Variants in GLP1R observed in about 807,000 individuals in gnomAD.
GLP1R encodes glucagon-like peptide 1 receptor.
GLP1R carries 32 observed loss-of-function variants against 68.4 expected under a neutral mutation model. The observed-to-expected ratio is 0.47, with a 90% CI of 0.35 to 0.63. The LOEUF (loss-of-function observed/expected upper bound fraction) is 0.63. GLP1R is among the 20% of genes least tolerant of loss of function. The pLI, the probability that GLP1R is intolerant of heterozygous loss-of-function variation, is 0.00. For synonymous variants in GLP1R, 263 were observed against 244.4 expected (o/e 1.08, Z -0.71); for missense variants, 502 against 594.9 (o/e 0.84, Z 1.62).
chr6:39,049,000 C>T, intron 1 of GLP1R, 82 bp downstream of exon 1: 1 of 572,976 alleles, frequency 1.7e-6, no homozygotes, highest in Non-Finnish European at 2.8e-6. Context: ...TGGAGGGCCC[C>T]GGGACTTGAA....
intron 5 of GLP1R, among the ~76,000 whole-genome samples, chr6:39,070,889 T>A (rs982944841): frequency 1.3e-5 from 2 of 152,238 alleles, no homozygotes; most frequent in Non-Finnish European, 2.9e-5. Context: ...TATGGTTTTT[T>A]ATGCACAGAA....
intron 7 of GLP1R, among the ~76,000 whole-genome samples, chr6:39,077,600 G>A (rs1768864723): frequency 1.3e-5 from 2 of 152,218 alleles, no homozygotes; most frequent in Non-Finnish European, 2.9e-5. Flanking sequence ...AGAGGTTCCT[G>A]GGTCACATGA....
chr6:39,085,283 C>T (rs1050012175), intron 12 of GLP1R, among the ~76,000 whole-genome samples: 4 of 152,254 alleles, frequency 2.6e-5, no homozygotes, highest in African/African-American at 9.6e-5. Flanking sequence ...CTGAGCTCCC[C>T]TGGGCTGCAC....
chr6:39,089,277 G>T lies in GLP1R; in HGVS notation c.*3204G>T, dbSNP rs1769220111. 6.6e-6 allele frequency among the ~76,000 whole-genome samples: 1 copy of T among 152,152 alleles called. No homozygotes were observed. The highest frequency in any genetic ancestry group is 1.5e-5 in the Non-Finnish European group (1 of 68,034). On this transcript the variant is annotated 3_prime_UTR_variant, in exon 13 of 13. Transcript: ENST00000373256. The surrounding 1 kb of genome is among the most constrained non-coding windows in gnomAD (Gnocchi z 4.1). ...AATTCCAGCACTCTTTTAATGGATT[G>T]GCTTAATTTTTTTTTCTGATGCCTC...
chr6:39,071,345 C>CAAAAAAAA (rs35740935), intron 5 of GLP1R, among the ~76,000 whole-genome samples: 15 of 85,870 alleles, frequency 1.7e-4, no homozygotes, highest in Non-Finnish European at 2.9e-4. Context: ...GATTCCATCT[C>CAAAAAAAA]AAAAAAAAAA....
chr6:39,083,705 T>G (rs1242487180), intron 12 of GLP1R, among the ~76,000 whole-genome samples: 1 of 152,128 alleles, frequency 6.6e-6, no homozygotes, highest in Non-Finnish European at 1.5e-5. Flanking sequence ...CCCCGAATCC[T>G]GAGGCTGGCA....
In GLP1R at chr6:39,072,899, C is replaced by T. The variant is rs759578461; in HGVS notation, c.547C>T (p.Leu183=). ...CACCAGGAACTACATCCACCTGAAC[C>T]TGTTTGCATCCTTCATCCTGCGAGC... ...HCTRNYIHLN[L]FASFILRALS... is the part of the protein sequence containing the mutation. Residue 183 remains leucine, a synonymous_variant, in exon 6 of 13, where the codon CTG becomes TTG. Transcript: ENST00000373256. 4 of 1,614,158 alleles carry T rather than the reference C, an allele frequency of 2.5e-6. No homozygotes were observed. Among genetic ancestry groups the T allele is most frequent in the South Asian group, 2.2e-5 (2 of 91,086 alleles).
chr6:39,088,516 G>A lies in GLP1R; in HGVS notation c.*2443G>A, dbSNP rs1273036537. Among the ~76,000 whole-genome samples, 1 of 152,230 alleles carries A rather than the reference G, an allele frequency of 6.6e-6. No individual in the cohort carries two copies. The highest frequency in any genetic ancestry group is 6.5e-5 in the Admixed American group (1 of 15,286). On this transcript the variant is annotated 3_prime_UTR_variant, in exon 13 of 13. Transcript: ENST00000373256. ...GGGTACTATTGCTGACCAGCAGGGT[G>A]TAGGCGCTGCTTTTGTTTGAGCTTT...
intron 3 of GLP1R, among the ~76,000 whole-genome samples, chr6:39,060,840 G>A (rs1768340857): frequency 6.6e-6 from 1 of 152,212 alleles, no homozygotes; most frequent in Admixed American, 6.5e-5. Flanking sequence ...ATGCCACTGA[G>A]ACCTTAGAGG....
intron 1 of GLP1R, among the ~76,000 whole-genome samples, chr6:39,050,482 G>C (rs1253668344): frequency 6.6e-6 from 1 of 152,130 alleles, no homozygotes; most frequent in Non-Finnish European, 1.5e-5. Context: ...ACTTTCCTCT[G>C]ATCCGATTTT....
rs778762355 is a variant in GLP1R, at chr6:39,056,392, C to T, written c.79-5C>T. 6.4e-6 allele frequency: 10 copies of T among 1,550,840 alleles called. No individual in the cohort carries two copies. Among genetic ancestry groups the T allele is most frequent in the Non-Finnish European group, 8.9e-6 (10 of 1,123,196 alleles). On this transcript the variant is annotated splice_region_variant and splice_polypyrimidine_tract_variant and intron_variant, in intron 1 of 12. Transcript: ENST00000373256. Reference sequence around the variant, plus strand: ...ACAGGCCTCCCATATATGCCCTCCCCCCAGGGTGCCACTGTGTCCCTCTGG... The same window carrying T: ...ACAGGCCTCCCATATATGCCCTCCCTCCAGGGTGCCACTGTGTCCCTCTGG...
rs2235868 is a variant in GLP1R at position 39,072,878 on chromosome 6, A to T, written c.526A>T (p.Arg176Trp). 41 of 1,613,722 alleles carry T rather than the reference A, an allele frequency of 2.5e-5. No individual in the cohort carries two copies. In the Admixed American group the frequency reaches 2.8e-4, roughly 11 times the overall value. ...LLGFRHLHCT[R>W]NYIHLNLFAS... ...CTCCCTCAGACACCTGCACTGCACC[A>T]GGAACTACATCCACCTGAACCTGTT... The change falls in exon 6 of 13, where the codon AGG becomes TGG. Residue 176 changes from arginine to tryptophan, a missense_variant. Transcript: ENST00000373256.
intron 11 of GLP1R, 60 bp from the exon 12 acceptor site, chr6:39,080,638 G>A (rs544778080): frequency 1.7e-6 from 2 of 1,204,130 alleles, no homozygotes; most frequent in African/African-American, 3.1e-5. Context: ...TCCGACCAGG[G>A]CCAGTCTGCA....
At position 39,079,525 on chromosome 6, in the gene GLP1R, A is replaced by C. The variant is rs1768933598; in HGVS notation, c.1044-39A>C. The C allele has an allele frequency of 6.5e-7, 1 of 1,541,294 alleles. No individual in the cohort carries two copies. Among genetic ancestry groups the C allele is most frequent in the African/African-American group, 1.4e-5 (1 of 71,944 alleles). On this transcript the variant is annotated intron_variant, in intron 10 of 12. Transcript: ENST00000373256. This position sits in a 1 kb window ranked among gnomAD's most constrained non-coding sequence, Gnocchi z 4.5. Reference sequence around the variant, plus strand: ...GAAAGGGAAGAAGAGTCCATGGGAGAGGTCCAGAATGACTCGAGATCTCTG... The same window carrying C: ...GAAAGGGAAGAAGAGTCCATGGGAGCGGTCCAGAATGACTCGAGATCTCTG...
Position 39,049,417 on chromosome 6 carries a change from G to A in GLP1R, c.78+499G>A, listed in dbSNP as rs988030908. Among the ~76,000 whole-genome samples the A allele has an allele frequency of 2.0e-5, 3 of 152,062 alleles. No homozygotes were observed. The highest frequency in any genetic ancestry group is 4.8e-5 in the African/African-American group (2 of 41,406). ...GGAGGAGCTGAGAGGGCCAGGGTGC[G>A]GAGACCCGGCTCCTCTCCCTTTCTC... On this transcript the variant is annotated intron_variant, in intron 1 of 12. Transcript: ENST00000373256. The surrounding 1 kb of genome is among the most constrained non-coding windows in gnomAD (Gnocchi z 4.5).
At chr6:39,054,040 A>G (rs1031680278) in intron 1 of GLP1R, among the ~76,000 whole-genome samples, 2 of 150,738 alleles carry the variant, frequency 1.3e-5, no homozygotes, top group African/African-American at 2.4e-5. Context: ...TCTGCCTCCA[A>G]CCCCCTTCAC....
At chr6:39,066,419 A>C (rs4711571) in intron 5 of GLP1R, 116 bp downstream of exon 5, 129,468 of 626,824 alleles carry the variant, frequency 0.21, 15,973 homozygotes, top group East Asian at 0.43. Context: ...TCCTTCTCTC[A>C]AGAGCTCTCT....
At chr6:39,056,231 G>A (rs957776848) in intron 1 of GLP1R, among the ~76,000 whole-genome samples, 166 bp from the exon 2 acceptor site, 1 of 152,174 alleles carries the variant, frequency 6.6e-6, no homozygotes, top group African/African-American at 2.4e-5. Flanking sequence ...GGGGCCCCTG[G>A]GTGGCAGTGA....
chr6:39,077,572 C>CA (rs1768863987), intron 7 of GLP1R, among the ~76,000 whole-genome samples: 1 of 152,184 alleles, frequency 6.6e-6, no homozygotes, highest in South Asian at 2.1e-4. Flanking sequence ...TCAGAAGTGA[C>CA]ATGCCATCAC....
Sources: gnomAD v4.1 joint callset for allele counts (sites outside exome capture counted in the v4.1 genomes callset) on GRCh38, gnomAD v4.1.1 for gene constraint, Gnocchi (gnomAD v3.1) non-coding constraint, MANE v1.5 for transcripts, NCBI Gene and HGNC (gene_info 2026-07-23, HGNC 2026-07-21) for gene names.